The following CLYBL variants were observed in gnomAD, a reference collection of about 807,000 sequenced individuals.
CLYBL encodes the protein citramalyl-CoA lyase, mitochondrial.
Under a neutral mutation model 38.9 loss-of-function variants are expected in CLYBL, and 31 were observed. The observed-to-expected ratio is 0.80, with a 90% CI of 0.60 to 1.08. The LOEUF is 1.08. Among genes scored for constraint, CLYBL ranks in the 50% least tolerant of loss-of-function variants. The pLI is 0.00. For synonymous variants in CLYBL, 171 were observed against 158.6 expected (o/e 1.08, Z -0.59); for missense variants, 434 against 411.6 (o/e 1.05, Z -0.47).
At chr13:99,799,115 A>G (rs2050079211) in intron 2 of CLYBL, among the ~76,000 whole-genome samples, 1 of 152,226 alleles carries the variant, frequency 6.6e-6, no homozygotes, top group Non-Finnish European at 1.5e-5. Context: ...TTTCTTTTTA[A>G]GGGAAAGACA....
Position 99,798,949 on chromosome 13 carries a change from C to A in CLYBL, c.249+25939C>A, listed in dbSNP as rs117551939. Among the ~76,000 whole-genome samples, 541 of 152,246 alleles carry A rather than the reference C, an allele frequency of 3.6e-3. 14 individuals are homozygous for A. The highest frequency in any genetic ancestry group is 0.027 in the Admixed American group (416 of 15,282). On this transcript the variant is annotated intron_variant, in intron 2 of 8. Coordinates refer to ENST00000339105, the MANE Select transcript of CLYBL (RefSeq NM_206808.5). ...AACACAGGCAGCTGAATTAACATAA[C>A]CCAGGAAGGGACTCTTCGTGGATTA...
Position 99,905,790 on chromosome 13 carries a change from G to A in CLYBL, c.*160+385G>A, listed in dbSNP as rs76238917. Reference sequence around the variant, plus strand: ...GGTGGTTGTGGTTGTTTTTGAGACAGGGTCTCTGTCTGTCGCCCAGACTGG... The same window carrying A: ...GGTGGTTGTGGTTGTTTTTGAGACAAGGTCTCTGTCTGTCGCCCAGACTGG... On this transcript the variant is annotated intron_variant and NMD_transcript_variant, in intron 9 of 9. Transcript: ENST00000689673. Among the ~76,000 whole-genome samples, 688 of 151,472 alleles carry A rather than the reference G, an allele frequency of 4.5e-3. 41 individuals carry two copies. In the East Asian group the frequency reaches 0.12, roughly 27 times the overall value.
At chr13:99,632,584 A>G (rs1224353480) in intron 1 of CLYBL, among the ~76,000 whole-genome samples, 2 of 152,140 alleles carry the variant, frequency 1.3e-5, no homozygotes, top group African/African-American at 4.8e-5. Flanking sequence ...TCTACTAAAT[A>G]TACAAAAAAA....
chr13:99,821,935 C>T (rs575959410), intron 2 of CLYBL, among the ~76,000 whole-genome samples: 1 of 152,326 alleles, frequency 6.6e-6, no homozygotes, highest in Non-Finnish European at 1.5e-5. Flanking sequence ...CTGGACTAGG[C>T]CACATGGCTT....
intron 1 of CLYBL, among the ~76,000 whole-genome samples, chr13:99,613,490 GA>G (rs1388764662): frequency 6.6e-6 from 1 of 152,132 alleles, no homozygotes; most frequent in Non-Finnish European, 1.5e-5. Flanking sequence ...CTTCATCTTT[GA>G]AGCCTCCTGA....
intron 1 of CLYBL, among the ~76,000 whole-genome samples, chr13:99,635,993 A>G (rs2047012796): frequency 1.3e-5 from 2 of 152,198 alleles, no homozygotes; most frequent in African/African-American, 4.8e-5. Context: ...CTCCCATTAG[A>G]CTATACATTC....
intron 1 of CLYBL, among the ~76,000 whole-genome samples, chr13:99,682,639 T>A (rs1566608778): frequency 6.6e-6 from 1 of 152,322 alleles, no homozygotes; most frequent in East Asian, 1.9e-4. Flanking sequence ...CTGTCACTAC[T>A]GTAGACTTTG....
chr13:99,846,958 C>T (rs529297550), intron 2 of CLYBL, among the ~76,000 whole-genome samples: 4 of 152,164 alleles, frequency 2.6e-5, no homozygotes, highest in African/African-American at 9.6e-5. Context: ...TTTTCCTCCA[C>T]AGAAATGAAA....
intron 1 of CLYBL, among the ~76,000 whole-genome samples, chr13:99,608,305 T>G (rs1467171987): frequency 1.3e-5 from 2 of 151,054 alleles, no homozygotes; most frequent in East Asian, 2.0e-4. Context: ...GCTCCTGACC[T>G]CGGGTGATCC....
intron 2 of CLYBL, among the ~76,000 whole-genome samples, chr13:99,773,344 A>G (rs2049440270): frequency 2.0e-5 from 3 of 152,220 alleles, no homozygotes. Flanking sequence ...TCCCCAGGCC[A>G]TGGACCAGTA....
intron 1 of CLYBL, among the ~76,000 whole-genome samples, chr13:99,678,183 A>C (rs1450444522): frequency 6.6e-6 from 1 of 152,228 alleles, no homozygotes; most frequent in Non-Finnish European, 1.5e-5. Context: ...CTTCTTAACC[A>C]TACGGCTGAA....
intron 2 of CLYBL, among the ~76,000 whole-genome samples, chr13:99,793,034 AC>A (rs1343999320): frequency 6.2e-4 from 13 of 20,910 alleles, no homozygotes; most frequent in African/African-American, 5.1e-3. Flanking sequence ...TGCATACATA[AC>A]ACACACACAC....
intron 9 of CLYBL, among the ~76,000 whole-genome samples, chr13:99,905,557 C>T (rs1023160802): frequency 1.3e-5 from 2 of 152,008 alleles, no homozygotes; most frequent in Non-Finnish European, 2.9e-5. Flanking sequence ...CCATTCTGTT[C>T]CAATTATTCT....
downstream of CLYBL, among the ~76,000 whole-genome samples, chr13:99,900,178 C>T (rs754332386): frequency 7.2e-6 from 1 of 138,230 alleles, no homozygotes; most frequent in African/African-American, 2.5e-5. Flanking sequence ...CCACCCGCCT[C>T]GGCCTCCCAA....
At chr13:99,723,301 G>A (rs1225118749) in intron 1 of CLYBL, among the ~76,000 whole-genome samples, 1 of 152,208 alleles carries the variant, frequency 6.6e-6, no homozygotes, top group African/African-American at 2.4e-5. Context: ...CTCAACGTTA[G>A]TGAAGTGTGG....
intron 2 of CLYBL, among the ~76,000 whole-genome samples, chr13:99,843,679 G>T (rs140264118): frequency 0.01 from 1,511 of 148,692 alleles, 28 homozygotes; most frequent in African/African-American, 0.034. Flanking sequence ...TTGGCTCACT[G>T]CAACCTCTGC....
At chr13:99,840,750 CAAAAAAAAAAAAAA>C (rs59274056) in intron 2 of CLYBL, among the ~76,000 whole-genome samples, 1 of 16,814 alleles carries the variant, frequency 5.9e-5, no homozygotes. Context: ...ACCCTTGTCT[CAAAAAAAAAAAAAA>C]AAAAAAAAAA....
chr13:99,778,668 C>T (rs1160374893), intron 2 of CLYBL, among the ~76,000 whole-genome samples: 2 of 152,162 alleles, frequency 1.3e-5, no homozygotes, highest in Admixed American at 1.3e-4. Context: ...AAAAAGACTG[C>T]CTCCACTCCC....
At chr13:99,655,585 G>T (rs755136131) in intron 1 of CLYBL, among the ~76,000 whole-genome samples, 16 of 152,310 alleles carry the variant, frequency 1.1e-4, no homozygotes, top group Middle Eastern at 3.4e-3. Context: ...CAGAGCCTGG[G>T]GTGGCGTCCT....
Sources: allele counts gnomAD v4.1 joint callset (sites outside exome capture counted in the v4.1 genomes callset), GRCh38; gene constraint gnomAD v4.1.1; transcripts MANE v1.5; gene names NCBI Gene and HGNC (gene_info 2026-07-23, HGNC 2026-07-21).